Variants in PPP2R5E observed in about 807,000 individuals in gnomAD.
The protein encoded by PPP2R5E is protein phosphatase 2 regulatory subunit B'epsilon.
A neutral mutation model predicts 65.3 loss-of-function variants in PPP2R5E; 4 were observed. The ratio of observed to expected loss-of-function variants is 0.06; its 90% CI spans 0.03 to 0.14. The LOEUF is 0.14. Among genes scored for constraint, PPP2R5E ranks in the 10% least tolerant of loss-of-function variants. PPP2R5E has a pLI of 1.00. For synonymous variants in PPP2R5E, 183 were observed against 187.4 expected (o/e 0.98, Z 0.19); for missense variants, 274 against 556.1 (o/e 0.49, Z 5.10).
intron 2 of PPP2R5E, among the ~76,000 whole-genome samples, chr14:63,479,068 G>T (rs1428244584): frequency 6.6e-6 from 1 of 152,122 alleles, no homozygotes. Flanking sequence ...GAAGGAGGTT[G>T]CAGTGAGCTG....
chr14:63,379,234 TA>T (rs1324695398), intron 13 of PPP2R5E, among the ~76,000 whole-genome samples: 1 of 152,066 alleles, frequency 6.6e-6, no homozygotes, highest in Non-Finnish European at 1.5e-5. Flanking sequence ...TTCACCATGT[TA>T]GCCAGGATGG....
intron 2 of PPP2R5E, among the ~76,000 whole-genome samples, chr14:63,482,858 A>G (rs1434309098): frequency 1.3e-5 from 2 of 152,168 alleles, no homozygotes; most frequent in Non-Finnish European, 2.9e-5. Flanking sequence ...ATACAAGTAC[A>G]CATTCCTTGA....
chr14:63,500,437 T>C (rs575527877), intron 2 of PPP2R5E, among the ~76,000 whole-genome samples: 1 of 152,230 alleles, frequency 6.6e-6, no homozygotes, highest in Admixed American at 6.5e-5. Flanking sequence ...ATCGTTTACA[T>C]TGACTAAATT....
Position 63,486,265 on chromosome 14 carries a change from C to T in PPP2R5E, c.158-32380G>A, listed in dbSNP as rs897728439. On this transcript the variant is annotated intron_variant, in intron 2 of 13. Transcript: ENST00000337537. ...CTCCCCTCTCCTGATTTCTCCTCCC[C>T]CGACCCCACCCATCTTTCTTTCCCC... is the stretch of plus-strand genomic sequence containing the variant. 1.1e-4 allele frequency among the ~76,000 whole-genome samples: 17 copies of T among 150,412 alleles called. No homozygotes were observed. In the South Asian group the frequency reaches 1.3e-3, roughly 11 times the overall value.
Position 63,415,209 on chromosome 14 carries a change from T to A in PPP2R5E, c.480A>T (p.Arg160=), listed in dbSNP as rs1461588418. 2 of 1,603,488 alleles carry A rather than the reference T, an allele frequency of 1.2e-6. No homozygotes were observed. Among genetic ancestry groups the A allele is most frequent in the Admixed American group, 1.7e-5 (1 of 59,792 alleles). The stretch of plus-strand genomic sequence containing the variant: ...GTTGGAATTCTTGGCTTTCCAAAAA[T>A]CGTATGAAAAATTCATATACAAGCT... ...HLQLVYEFFI[R]FLESQEFQPS... The change falls in exon 5 of 14, where the codon CGA becomes CGT. Residue 160 remains arginine, a synonymous_variant. Coordinates refer to ENST00000337537, the MANE Select transcript of PPP2R5E (RefSeq NM_006246.5).
At chr14:63,481,427 C>A (rs968329862) in intron 2 of PPP2R5E, among the ~76,000 whole-genome samples, 5 of 143,960 alleles carry the variant, frequency 3.5e-5, no homozygotes, top group African/African-American at 1.3e-4. Flanking sequence ...ATCCAGGGGG[C>A]GGAGGTTGCA....
At chr14:63,377,901 C>G (rs1884083520) in intron 13 of PPP2R5E, among the ~76,000 whole-genome samples, 1 of 152,148 alleles carries the variant, frequency 6.6e-6, no homozygotes. Context: ...GGGTCTCATT[C>G]TGTTGCTCAG....
intron 2 of PPP2R5E, among the ~76,000 whole-genome samples, chr14:63,467,497 C>T (rs549323789): frequency 6.6e-6 from 1 of 152,224 alleles, no homozygotes; most frequent in South Asian, 2.1e-4. Context: ...AAATGACTTT[C>T]CCTTTCAGAA....
In PPP2R5E at chr14:63,499,584, C is replaced by T. The variant is rs1046186676; in HGVS notation, c.157+39945G>A. Reference sequence around the variant, plus strand: ...ACTAAAAATGCAAAAATTAGCCAGGCGTGGTGGCACTGCGTGCCTGTAATC... The same window carrying T: ...ACTAAAAATGCAAAAATTAGCCAGGTGTGGTGGCACTGCGTGCCTGTAATC... On this transcript the variant is annotated intron_variant, in intron 2 of 13. Coordinates refer to ENST00000337537, the MANE Select transcript of PPP2R5E (RefSeq NM_006246.5). Among the ~76,000 whole-genome samples, 3 of 152,210 alleles carry T rather than the reference C, an allele frequency of 2.0e-5. No homozygotes were observed. The East Asian group carries it at 5.8e-4, about 29-fold the overall frequency.
chr14:63,492,230 T>C (rs994221569), intron 2 of PPP2R5E, among the ~76,000 whole-genome samples: 2 of 152,210 alleles, frequency 1.3e-5, no homozygotes, highest in East Asian at 1.9e-4. Flanking sequence ...TAAATTGTCA[T>C]GAAAAAGGAA....
chr14:63,416,214 G>T (rs1190457972), intron 4 of PPP2R5E, among the ~76,000 whole-genome samples: 2 of 152,230 alleles, frequency 1.3e-5, no homozygotes, highest in Non-Finnish European at 2.9e-5. Context: ...CAGCTACTCA[G>T]AAGGCTGAGG....
At position 63,495,389 on chromosome 14, in the gene PPP2R5E, T is replaced by C. The variant is rs1346580405; in HGVS notation, c.158-41504A>G. ...GAGTTAAAGACCAGCCTGGCCAACA[T>C]GGCAAAACCCCATCTCTACTAAAAA... On this transcript the variant is annotated intron_variant, in intron 2 of 13. Transcript: ENST00000337537. Among the ~76,000 whole-genome samples the C allele has an allele frequency of 2.9e-5, 4 of 137,626 alleles. No homozygotes were observed. In the Admixed American group the frequency reaches 3.0e-4, roughly 10 times the overall value. The allele number at this position is 137,626 out of a possible 152,430, so 90.3% of individuals were successfully genotyped here.
chr14:63,468,143 C>T (rs1479904914), intron 2 of PPP2R5E, among the ~76,000 whole-genome samples: 1 of 152,202 alleles, frequency 6.6e-6, no homozygotes, highest in Admixed American at 6.5e-5. Context: ...GTATCTTTTA[C>T]AAAATGAGCC....
chr14:63,488,708 G>T (rs1472943011), intron 2 of PPP2R5E, among the ~76,000 whole-genome samples: 1 of 151,460 alleles, frequency 6.6e-6, no homozygotes, highest in South Asian at 2.1e-4. Flanking sequence ...AATTAGCCTG[G>T]CGTGGTGGCG....
chr14:63,500,099 A>G (rs1891788070), intron 2 of PPP2R5E, among the ~76,000 whole-genome samples: 1 of 152,166 alleles, frequency 6.6e-6, no homozygotes, highest in Admixed American at 6.5e-5. Flanking sequence ...TTTCCCATCT[A>G]TAGAGGGGGT....
At chr14:63,537,777 G>T (rs910083909) in intron 2 of PPP2R5E, among the ~76,000 whole-genome samples, 3 of 152,038 alleles carry the variant, frequency 2.0e-5, no homozygotes, top group Non-Finnish European at 4.4e-5. Flanking sequence ...CCACACTAAA[G>T]CTCATTGTGT....
chr14:63,434,931 A>G (rs780308346), intron 3 of PPP2R5E, among the ~76,000 whole-genome samples: 9 of 152,250 alleles, frequency 5.9e-5, no homozygotes, highest in Non-Finnish European at 1.0e-4. Flanking sequence ...CCAAATTGGA[A>G]AATCAGTTAA....
At chr14:63,496,598 T>C (rs986140218) in intron 2 of PPP2R5E, among the ~76,000 whole-genome samples, 9 of 152,092 alleles carry the variant, frequency 5.9e-5, no homozygotes, top group African/African-American at 1.2e-4. Context: ...ATTTAGAACA[T>C]TGTTTTAATA....
chr14:63,481,155 A>G (rs1183881637), intron 2 of PPP2R5E, among the ~76,000 whole-genome samples: 1 of 152,136 alleles, frequency 6.6e-6, no homozygotes, highest in Admixed American at 6.5e-5. Flanking sequence ...TCTCTTATTT[A>G]TATAATTAGG....
Sources: gnomAD v4.1 joint callset for allele counts (sites outside exome capture counted in the v4.1 genomes callset) on GRCh38, gnomAD v4.1.1 for gene constraint, MANE v1.5 for transcripts, NCBI Gene and HGNC (gene_info 2026-07-23, HGNC 2026-07-21) for gene names.